PCDH15: variants seen among roughly 807,000 people sequenced by gnomAD.
PCDH15 encodes the protein protocadherin related 15, also known as protocadherin-15.
PCDH15 carries 129 observed loss-of-function variants against 178.5 expected under a neutral mutation model. The observed-to-expected ratio is 0.72, with a 90% confidence interval of 0.63 to 0.84. The LOEUF (loss-of-function observed/expected upper bound fraction) is 0.84, where lower values mean the gene tolerates loss of function less well. Among genes scored for constraint, PCDH15 ranks in the 40% least tolerant of loss-of-function variants. The probability of loss-of-function intolerance (pLI) is 0.00; values close to 1 mark genes in which losing one functional copy is unlikely to be tolerated. For missense variants in PCDH15, 2,230 were observed against 2,099.9 expected (o/e 1.06, Z -1.21); for synonymous variants, 800 against 732.0 (o/e 1.09, Z -1.50).
At chr10:53,820,695 TATACATTATATACTAATATTG>T (rs996781993) in intron 32 of PCDH15, among the ~76,000 whole-genome samples, 37 of 152,166 alleles carry the variant, frequency 2.4e-4, no homozygotes, top group African/African-American at 8.7e-4. Context: ...GGTCACATAT[TATACATTATATACTAATATTG>T]AAAGTATAGT....
chr10:55,144,457 C>G (rs1838446191), intron 2 of PCDH15, among the ~76,000 whole-genome samples: 1 of 152,114 alleles, frequency 6.6e-6, no homozygotes, highest in African/African-American at 2.4e-5. Flanking sequence ...AAGTATAACA[C>G]AGAGGTGGAT....
At chr10:54,695,560 A>G (rs1039351439) in intron 1 of PCDH15, among the ~76,000 whole-genome samples, 2 of 152,172 alleles carry the variant, frequency 1.3e-5, no homozygotes, top group African/African-American at 4.8e-5. Flanking sequence ...AATATAGATG[A>G]AAATACCTTC....
chr10:54,264,051 C>T (rs961700270), intron 8 of PCDH15, among the ~76,000 whole-genome samples: 1 of 152,096 alleles, frequency 6.6e-6, no homozygotes, highest in African/African-American at 2.4e-5. Flanking sequence ...GCCAGGGGCT[C>T]TCAGGCCTTC....
At chr10:54,979,812 CTACGTGTAACATACAA>C (rs1839181304) in intron 2 of PCDH15, among the ~76,000 whole-genome samples, 1 of 75,626 alleles carries the variant, frequency 1.3e-5, no homozygotes, top group Admixed American at 1.3e-4. Context: ...TGGCCATATT[CTACGTGTAACATACAA>C]TATGTGTAAC....
intron 25 of PCDH15, among the ~76,000 whole-genome samples, chr10:53,932,927 C>T (rs538906214): frequency 1.3e-5 from 2 of 152,074 alleles, no homozygotes; most frequent in Non-Finnish European, 2.9e-5. Flanking sequence ...TGAGTTCTCA[C>T]AAGATCTGGT....
rs545221543 is a variant in PCDH15 at position 54,821,983 on chromosome 10, A to G, written c.-29+75467T>C. 2.0e-3 allele frequency among the ~76,000 whole-genome samples: 300 copies of G among 152,272 alleles called. 1 individual carries two copies. The highest frequency in any genetic ancestry group is 6.9e-3 in the African/African-American group (285 of 41,568). On this transcript the variant is annotated intron_variant, in intron 3 of 5. Coordinates refer to the PCDH15 transcript ENST00000458638. ...GGAGATCAGGGGCACTGTTAACTTA[A>G]GCAAGTGAGACACTCATTTTAATAA...
At chr10:54,408,547 T>C (rs1366904816) in intron 3 of PCDH15, among the ~76,000 whole-genome samples, 2 of 152,190 alleles carry the variant, frequency 1.3e-5, no homozygotes, top group African/African-American at 4.8e-5. Flanking sequence ...CAAATCATGA[T>C]GTGACAGCAT....
upstream of PCDH15, among the ~76,000 whole-genome samples, chr10:54,804,318 C>A: frequency 6.6e-6 from 1 of 152,114 alleles, no homozygotes; most frequent in East Asian, 1.9e-4. Flanking sequence ...GGATTACAGG[C>A]GTGAGCCACC....
rs61475962 is a variant in PCDH15 at position 54,565,950 on chromosome 10, G to C, written c.92-38073C>G. ...AAGTACAAAATTAGCCAGGTGTGGTGATGCATGCCTGTAATCCCAGCTACT... is the reference window on the plus strand; with the variant it reads ...AAGTACAAAATTAGCCAGGTGTGGTCATGCATGCCTGTAATCCCAGCTACT... On this transcript the variant is annotated intron_variant, in intron 2 of 37. Coordinates refer to ENST00000644397, the MANE Select transcript of PCDH15 (RefSeq NM_001384140.1). 8.9e-3 allele frequency among the ~76,000 whole-genome samples: 1,349 copies of C among 152,228 alleles called. 24 individuals carry two copies. The highest frequency in any genetic ancestry group is 0.031 in the African/African-American group (1,279 of 41,554).
chr10:54,514,503 TG>T (rs1394598628), intron 3 of PCDH15, among the ~76,000 whole-genome samples: 3 of 151,166 alleles, frequency 2.0e-5, no homozygotes, highest in African/African-American at 7.3e-5. Flanking sequence ...TTACCTCTCC[TG>T]AAAAAAAAAA....
At chr10:54,912,065 A>C (rs1337210383) in intron 2 of PCDH15, among the ~76,000 whole-genome samples, 1 of 152,126 alleles carries the variant, frequency 6.6e-6, no homozygotes, top group Non-Finnish European at 1.5e-5. Flanking sequence ...GTAGGTTTGA[A>C]TAACATTAAC....
chr10:54,533,420 G>T (rs1026649994), intron 2 of PCDH15, among the ~76,000 whole-genome samples: 2 of 151,890 alleles, frequency 1.3e-5, no homozygotes, highest in East Asian at 1.9e-4. Flanking sequence ...GCAAGAATTT[G>T]AGGTTATTTG....
intron 6 of PCDH15, among the ~76,000 whole-genome samples, chr10:54,345,449 T>A (rs1315113596): frequency 6.6e-6 from 1 of 152,076 alleles, no homozygotes; most frequent in African/African-American, 2.4e-5. Context: ...GTAGTGCATT[T>A]ATAATTGCTT....
At chr10:54,811,463 A>AT (rs563821585) in intron 3 of PCDH15, among the ~76,000 whole-genome samples, 29 of 151,816 alleles carry the variant, frequency 1.9e-4, no homozygotes, top group Admixed American at 2.0e-4. Context: ...TAGCTAAATA[A>AT]TTTTTTTTAT....
chr10:54,909,940 GA>G (rs1954790909), intron 2 of PCDH15, among the ~76,000 whole-genome samples: 1 of 152,122 alleles, frequency 6.6e-6, no homozygotes, highest in Admixed American at 6.6e-5. Context: ...AGGCTCTGGG[GA>G]CTGTCCTTCT....
At chr10:53,947,131 T>C (rs1564835366) in intron 23 of PCDH15, among the ~76,000 whole-genome samples, 1 of 152,154 alleles carries the variant, frequency 6.6e-6, no homozygotes, top group Non-Finnish European at 1.5e-5. Flanking sequence ...TTACAATAAA[T>C]CTTTCAACTG....
intron 1 of PCDH15, among the ~76,000 whole-genome samples, chr10:55,269,733 A>G (rs544308386): frequency 1.3e-5 from 2 of 152,272 alleles, no homozygotes; most frequent in African/African-American, 4.8e-5. Context: ...ATTCAATGCT[A>G]TTCCTATCAA....
chr10:53,984,148 C>CT (rs66540462), intron 21 of PCDH15, among the ~76,000 whole-genome samples: 23,315 of 63,366 alleles, frequency 0.37, 3,861 homozygotes, highest in East Asian at 0.69. Flanking sequence ...TTTTTCTTTT[C>CT]TTTTTTTTTT....
In PCDH15 at chr10:55,210,618, C is replaced by CTTTTTTTTTTTTTTT. The variant is rs11412877; in HGVS notation, c.-155-43982_-155-43968dup. 1.5e-3 allele frequency among the ~76,000 whole-genome samples: 62 copies of CTTTTTTTTTTTTTTT among 40,346 alleles called. 10 individuals carry two copies. Among genetic ancestry groups the CTTTTTTTTTTTTTTT allele is most frequent in the East Asian group, 2.5e-3 (3 of 1,184 alleles). The allele number at this position is 40,346 out of a possible 152,430, so 26.5% of individuals were successfully genotyped here. ...ACGATTTTTTTTTCTTTTTTCTTTT[C>CTTTTTTTTTTTTTTT]TTTTTTTTTTTTTTTTTTTTTTTTT... On this transcript the variant is annotated intron_variant, in intron 1 of 5. Coordinates refer to the PCDH15 transcript ENST00000458638.
Sources: allele counts gnomAD v4.1 joint callset (sites outside exome capture counted in the v4.1 genomes callset), GRCh38; gene constraint gnomAD v4.1.1; transcripts MANE v1.5; gene names NCBI Gene and HGNC (gene_info 2026-07-23, HGNC 2026-07-21).